Variants in ARHGAP42 observed in about 807,000 individuals in gnomAD.
The protein encoded by ARHGAP42 is Rho GTPase activating protein 42, also known as rho GTPase-activating protein 42.
In ARHGAP42, 63 loss-of-function variants were observed where a neutral mutation model predicts 125.0. The observed-to-expected ratio is 0.50, with a 90% CI of 0.41 to 0.62. The LOEUF is 0.62. Ranked by LOEUF, ARHGAP42 falls within the 20% of genes least tolerant of loss-of-function variation. The pLI is 0.00. For synonymous variants in ARHGAP42, 339 were observed against 351.0 expected, an observed-to-expected ratio of 0.97 and a Z score of 0.38; for missense variants, 766 against 1,024.2, an observed-to-expected ratio of 0.75 and a Z score of 3.44.
chr11:100,756,800 C>T (rs1862588773), intron 1 of ARHGAP42, among the ~76,000 whole-genome samples: 1 of 152,214 alleles, frequency 6.6e-6, no homozygotes, highest in African/African-American at 2.4e-5. Flanking sequence ...TATTCAGAAT[C>T]ACAGCAGGCA....
chr11:100,915,066 A>T (rs1308079192), intron 5 of ARHGAP42, among the ~76,000 whole-genome samples: 1 of 152,144 alleles, frequency 6.6e-6, no homozygotes, highest in Non-Finnish European at 1.5e-5. Context: ...AACACATGCT[A>T]TTAAAAATAG....
chr11:100,896,356 C>G (rs1866364522), intron 4 of ARHGAP42, among the ~76,000 whole-genome samples: 1 of 152,006 alleles, frequency 6.6e-6, no homozygotes, highest in African/African-American at 2.4e-5. Flanking sequence ...GGGTATATAC[C>G]CAGTAATGGG....
chr11:100,875,311 G>T (rs555708844), intron 4 of ARHGAP42, among the ~76,000 whole-genome samples: 2 of 151,762 alleles, frequency 1.3e-5, no homozygotes, highest in African/African-American at 4.8e-5. Context: ...TTAGTAACCC[G>T]GTGCCCAGCC....
intron 1 of ARHGAP42, among the ~76,000 whole-genome samples, chr11:100,727,736 C>T (rs986017554): frequency 6.6e-6 from 1 of 152,158 alleles, no homozygotes; most frequent in African/African-American, 2.4e-5. Context: ...ATGTACCTCT[C>T]CATCTGGTTA....
intron 1 of ARHGAP42, among the ~76,000 whole-genome samples, chr11:100,737,615 G>T (rs975207388): frequency 6.6e-6 from 1 of 152,132 alleles, no homozygotes; most frequent in African/African-American, 2.4e-5. Context: ...ATGAGATAGA[G>T]GTGTCTTGGT....
At position 100,753,186 on chromosome 11, in the gene ARHGAP42, G is replaced by T. The variant is rs117284735; in HGVS notation, c.155-17157G>T. Reference sequence around the variant, plus strand: ...GGGTGAGGGGACTGGTTCTCTGGCCGCTGGGGTGATGTTCCAGGAAGGAGT... The same window carrying T: ...GGGTGAGGGGACTGGTTCTCTGGCCTCTGGGGTGATGTTCCAGGAAGGAGT... On this transcript the variant is annotated intron_variant, in intron 1 of 23. Transcript: ENST00000298815. Among the ~76,000 whole-genome samples the T allele has an allele frequency of 2.4e-4, 37 of 152,210 alleles. No individual in the cohort carries two copies. The East Asian group carries it at 4.8e-3, about 20-fold the overall frequency.
At chr11:100,783,236 G>A (rs1408333399) in intron 2 of ARHGAP42, among the ~76,000 whole-genome samples, 1 of 152,150 alleles carries the variant, frequency 6.6e-6, no homozygotes, top group Non-Finnish European at 1.5e-5. Context: ...AGGAGTTCGA[G>A]ACCAGCCTGG....
intron 2 of ARHGAP42, among the ~76,000 whole-genome samples, chr11:100,783,028 G>A (rs1448488232): frequency 6.6e-6 from 1 of 152,106 alleles, no homozygotes; most frequent in African/African-American, 2.4e-5. Flanking sequence ...TTGATTTCTG[G>A]GCTCTACCAT....
intron 18 of ARHGAP42, among the ~76,000 whole-genome samples, chr11:100,973,955 GTCTA>G (rs1165961318): frequency 6.6e-6 from 1 of 152,150 alleles, no homozygotes; most frequent in Non-Finnish European, 1.5e-5. Flanking sequence ...TGCCCTTAGT[GTCTA>G]TCTAAGGGCA....
At chr11:100,979,639 TA>T (rs1591337505) in intron 22 of ARHGAP42, among the ~76,000 whole-genome samples, 1 of 152,168 alleles carries the variant, frequency 6.6e-6, no homozygotes, top group African/African-American at 2.4e-5. Flanking sequence ...ATTCTTGATC[TA>T]CAGTGGGCTT....
intron 17 of ARHGAP42, among the ~76,000 whole-genome samples, chr11:100,965,993 T>C (rs1316453628): frequency 1.3e-5 from 2 of 152,218 alleles, no homozygotes; most frequent in East Asian, 3.9e-4. Flanking sequence ...CAAATAATTA[T>C]ATCCTTTGCA....
intron 1 of ARHGAP42, among the ~76,000 whole-genome samples, chr11:100,721,328 T>C (rs1861754496): frequency 6.6e-6 from 1 of 152,218 alleles, no homozygotes; most frequent in East Asian, 1.9e-4. Context: ...AAACTGCTTC[T>C]ATCGTTTTGC....
In ARHGAP42 at chr11:100,913,642, C is replaced by T. The variant is rs561895144; in HGVS notation, c.486+89C>T. The stretch of plus-strand genomic sequence containing the variant: ...GGTAAAACTATCTCAAAATCTGCTA[C>T]TATTTAATAAAATAATTATGATAGC... On this transcript the variant is annotated intron_variant, in intron 5 of 23. Transcript: ENST00000298815. 41 of 532,346 alleles carry T rather than the reference C, an allele frequency of 7.7e-5. 1 individual carries two copies. The African/African-American group carries it at 7.8e-4, about 10-fold the overall frequency. 33.0% of individuals were successfully genotyped at this position (532,346 alleles called of 1,614,324 possible). A position where few individuals can be genotyped will look rare whatever the true frequency, so the allele number is the denominator to read the frequency against.
intron 18 of ARHGAP42, among the ~76,000 whole-genome samples, chr11:100,973,907 C>T (rs1363049737): frequency 1.3e-5 from 2 of 152,198 alleles, no homozygotes; most frequent in African/African-American, 4.8e-5. Flanking sequence ...TTAAGGCCTT[C>T]TCCTCCCCTG....
intron 2 of ARHGAP42, among the ~76,000 whole-genome samples, chr11:100,777,211 A>G (rs1047007728): frequency 3.3e-5 from 5 of 152,162 alleles, no homozygotes; most frequent in Admixed American, 6.5e-5. Flanking sequence ...AATAGTGGCA[A>G]TTCAAGTCAC....
Position 100,941,777 on chromosome 11 carries a change from A to T in ARHGAP42, c.833-7A>T. ...AAATCTGAAATTTTTTTGTTTCCTT[A>T]CATTAGGACCGCTTGGTTTTACATG... On this transcript the variant is annotated splice_region_variant and splice_polypyrimidine_tract_variant and intron_variant, in intron 8 of 23. Transcript: ENST00000298815. The T allele has an allele frequency of 6.8e-7, 1 of 1,480,340 alleles. No homozygotes were observed. Among genetic ancestry groups the T allele is most frequent in the Non-Finnish European group, 9.0e-7 (1 of 1,115,486 alleles). 91.7% of individuals were successfully genotyped at this position (1,480,340 alleles called of 1,614,324 possible).
chr11:100,723,861 C>T (rs1861807994), intron 1 of ARHGAP42, among the ~76,000 whole-genome samples: 1 of 152,088 alleles, frequency 6.6e-6, no homozygotes, highest in Non-Finnish European at 1.5e-5. Flanking sequence ...TCTAGTTTCT[C>T]ACTATTCAAT....
chr11:100,828,840 A>G (rs555413991), intron 3 of ARHGAP42, among the ~76,000 whole-genome samples: 2 of 152,176 alleles, frequency 1.3e-5, no homozygotes, highest in East Asian at 1.9e-4. Context: ...GGCGGAAGCC[A>G]CCATGCTCGG....
rs1398442497 is a variant in ARHGAP42 at position 100,949,901 on chromosome 11, A to G, written c.1123-16A>G. ...CATTAACTGGAAGTAACTAATGGAC[A>G]TCCTTTGTTTTTTAGATTTATACTC... is the stretch of plus-strand genomic sequence containing the variant. On this transcript the variant is annotated splice_polypyrimidine_tract_variant and intron_variant, in intron 11 of 23. Coordinates refer to ENST00000298815, the MANE Select transcript of ARHGAP42 (RefSeq NM_152432.4). 1 of 1,446,154 alleles carries G rather than the reference A, an allele frequency of 6.9e-7. No individual in the cohort carries two copies. The highest frequency in any genetic ancestry group is 9.4e-7 in the Non-Finnish European group (1 of 1,067,470). 89.6% of individuals were successfully genotyped at this position (1,446,154 alleles called of 1,614,324 possible).
Sources: gnomAD v4.1 joint callset for allele counts (sites outside exome capture counted in the v4.1 genomes callset) on GRCh38, gnomAD v4.1.1 for gene constraint, MANE v1.5 for transcripts, NCBI Gene and HGNC (gene_info 2026-07-23, HGNC 2026-07-21) for gene names.